The following SCN8A variants were observed in gnomAD, a reference collection of about 807,000 sequenced individuals.
SCN8A encodes sodium channel protein type 8 subunit alpha.
Under a neutral mutation model 184.1 loss-of-function variants are expected in SCN8A, and 30 were observed. The observed-to-expected ratio is 0.16, with a 90% CI of 0.12 to 0.22. The LOEUF (loss-of-function observed/expected upper bound fraction) is 0.22, where lower values mean the gene tolerates loss of function less well. Ranked by LOEUF, SCN8A falls within the 10% of genes least tolerant of loss-of-function variation. SCN8A has a pLI of 1.00. For missense variants in SCN8A, 1,057 were observed against 2,498.9 expected (o/e 0.42, Z 12.30); for synonymous variants, 852 against 907.0 (o/e 0.94, Z 1.09).
chr12:51,690,289 A>G (rs867147362), intron 6 of SCN8A, among the ~76,000 whole-genome samples: 3 of 152,312 alleles, frequency 2.0e-5, no homozygotes, highest in South Asian at 4.1e-4. Flanking sequence ...GAGGCATCCT[A>G]TTCTTATCCT....
intron 12 of SCN8A, chr12:51,722,263 C>G (rs1942081091): frequency 2.9e-6 from 1 of 343,410 alleles, no homozygotes; most frequent in Non-Finnish European, 5.4e-6. Context: ...CTTTGCTAGT[C>G]TGTGTGCTTG....
intron 9 of SCN8A, among the ~76,000 whole-genome samples, chr12:51,704,151 CT>C (rs1565893016): frequency 6.6e-6 from 1 of 151,878 alleles, no homozygotes; most frequent in Non-Finnish European, 1.5e-5. Flanking sequence ...CTGTCTTGGC[CT>C]CCCAAAGTGC....
chr12:51,803,182 C>G (rs1938603263), intron 26 of SCN8A, among the ~76,000 whole-genome samples: 1 of 152,084 alleles, frequency 6.6e-6, no homozygotes, highest in Non-Finnish European at 1.5e-5. Flanking sequence ...GGCCAAAGGC[C>G]CGAGAGCCCC....
chr12:51,807,177 A>G lies in SCN8A; in HGVS notation c.5691A>G (p.Val1897=). The change falls in exon 27 of 27, where the codon GTA becomes GTG. Residue 1897 remains valine (V), a synonymous_variant. Transcript: ENST00000627620. This position sits in a 1 kb window ranked among gnomAD's most constrained non-coding sequence, Gnocchi z 4.5. ...CACTGCGTCGCAAGCAGGAGGAGGT[A>G]TCTGCAGTGGTCCTGCAGCGTGCCT... ...TTTLRRKQEE[V]SAVVLQRAYR... 2 of 1,614,008 alleles carry G rather than the reference A, an allele frequency of 1.2e-6. No individual in the cohort carries two copies. The highest frequency in any genetic ancestry group is 1.7e-6 in the Non-Finnish European group (2 of 1,179,888).
Position 51,806,161 on chromosome 12 carries a change from G to T in SCN8A, c.4796-121G>T. ...ACTTTTTGAGAGTTCAGACTGAATA[G>T]TAAGGCACTTATTCTGCAAAGCCCT... On this transcript the variant is annotated intron_variant, in intron 26 of 26. Coordinates refer to ENST00000627620, the MANE Select transcript of SCN8A (RefSeq NM_001330260.2). This position sits in a 1 kb window ranked among gnomAD's most constrained non-coding sequence, Gnocchi z 8.7. 2 of 928,534 alleles carry T rather than the reference G, an allele frequency of 2.2e-6. No homozygotes were observed. Among genetic ancestry groups the T allele is most frequent in the Non-Finnish European group, 3.2e-6 (2 of 632,484 alleles). 57.5% of individuals were successfully genotyped at this position (928,534 alleles called of 1,614,324 possible).
chr12:51,675,845 A>G (rs1941213473), intron 2 of SCN8A, among the ~76,000 whole-genome samples: 1 of 152,194 alleles, frequency 6.6e-6, no homozygotes, highest in African/African-American at 2.4e-5. Flanking sequence ...CTCCTGCCTC[A>G]ATTTTATCAT....
chr12:51,629,337 C>T (rs1940146553), intron 1 of SCN8A, among the ~76,000 whole-genome samples: 1 of 152,046 alleles, frequency 6.6e-6, no homozygotes, highest in African/African-American at 2.4e-5. Flanking sequence ...GTAATTCTTC[C>T]TTGTGGGGCT....
Position 51,751,377 on chromosome 12 carries a change from G to A in SCN8A, c.2154G>A (p.Lys718=), listed in dbSNP as rs778988746. The A allele has an allele frequency of 1.2e-6, 2 of 1,613,646 alleles. No individual in the cohort carries two copies. The highest frequency in any genetic ancestry group is 2.2e-5 in the East Asian group (1 of 44,882). ...TAGAACTGGAAGAGTCTCAGAGAAA[G>A]TGCCCGCCATGCTGGTATAAATTTG... ...LVEELEESQR[K]CPPCWYKFAN... Residue 718 remains lysine (K), a synonymous_variant, in exon 14 of 27, where the codon AAG becomes AAA. Transcript: ENST00000627620.
chr12:51,805,408 AC>A (rs1157644502), intron 26 of SCN8A, among the ~76,000 whole-genome samples: 8 of 151,986 alleles, frequency 5.3e-5, no homozygotes, highest in Admixed American at 4.6e-4. Flanking sequence ...ACATAGCAAG[AC>A]CCCCATCTCT....
At chr12:51,733,633 A>T (rs564523776) in intron 12 of SCN8A, among the ~76,000 whole-genome samples, 1 of 152,250 alleles carries the variant, frequency 6.6e-6, no homozygotes, top group South Asian at 2.1e-4. Context: ...GAATAATTTA[A>T]ATAGGATTGA....
chr12:51,653,818 C>T (rs1368310926), intron 1 of SCN8A, among the ~76,000 whole-genome samples: 1 of 152,174 alleles, frequency 6.6e-6, no homozygotes, highest in East Asian at 1.9e-4. Flanking sequence ...TCAACATCCT[C>T]ACCCATACTT....
chr12:51,785,967 TA>T (rs1938072868), intron 21 of SCN8A, among the ~76,000 whole-genome samples: 1 of 152,184 alleles, frequency 6.6e-6, no homozygotes, highest in Admixed American at 6.5e-5. Context: ...TACTGTTTGG[TA>T]GAGGGAATAT....
At chr12:51,726,753 C>T (rs373172097) in intron 12 of SCN8A, among the ~76,000 whole-genome samples, 4 of 152,194 alleles carry the variant, frequency 2.6e-5, no homozygotes, top group African/African-American at 9.6e-5. Context: ...AATTTTCATT[C>T]CTTTTCTTAC....
chr12:51,662,910 G>A lies in SCN8A; in HGVS notation c.93G>A (p.Glu31=). 6.2e-7 allele frequency: 1 copy of A among 1,614,036 alleles called. No homozygotes were observed. Among genetic ancestry groups the A allele is most frequent in the Admixed American group, 1.7e-5 (1 of 60,022 alleles). The change falls in exon 2 of 27, where the codon GAG becomes GAA. Residue 31 remains glutamate (E), a synonymous_variant. Coordinates refer to ENST00000627620, the MANE Select transcript of SCN8A (RefSeq NM_001330260.2). ...SLANIERRIA[E]SKLKKPPKAD... ...CAAACATTGAGAGGCGCATTGCTGA[G>A]AGCAAGCTCAAGAAACCACCAAAGG...
rs552570108 is a variant in SCN8A at position 51,754,489 on chromosome 12, T to G, written c.2370+2896T>G. On this transcript the variant is annotated intron_variant, in intron 14 of 26. Coordinates refer to ENST00000627620, the MANE Select transcript of SCN8A (RefSeq NM_001330260.2). ...TACATTACAATGTTGTGAAGTAAAG[T>G]ATGACCTTGTCCTGTGGTTGGAATG... Among the ~76,000 whole-genome samples, 6 of 152,214 alleles carry G rather than the reference T, an allele frequency of 3.9e-5. No individual in the cohort carries two copies. In the East Asian group the frequency reaches 1.2e-3, roughly 29 times the overall value.
intron 1 of SCN8A, among the ~76,000 whole-genome samples, chr12:51,611,662 T>A (rs1402098774): frequency 1.3e-5 from 2 of 151,988 alleles, no homozygotes; most frequent in Non-Finnish European, 1.5e-5. Flanking sequence ...CCTGGCTAAT[T>A]TTTGTATTTT....
At chr12:51,801,563 G>A (rs1181954595) in intron 26 of SCN8A, among the ~76,000 whole-genome samples, 6 of 152,216 alleles carry the variant, frequency 3.9e-5, no homozygotes, top group East Asian at 3.9e-4. Flanking sequence ...TTTGATCCAC[G>A]TTTCAGCTAA....
intron 21 of SCN8A, among the ~76,000 whole-genome samples, chr12:51,785,630 A>G (rs1235361666): frequency 6.6e-6 from 1 of 152,214 alleles, no homozygotes; most frequent in Non-Finnish European, 1.5e-5. Flanking sequence ...AAAACAACCC[A>G]GAAACTTTGA....
intron 2 of SCN8A, among the ~76,000 whole-genome samples, chr12:51,663,751 T>A (rs1940970912): frequency 6.6e-6 from 1 of 152,140 alleles, no homozygotes; most frequent in African/African-American, 2.4e-5. Flanking sequence ...TGAACAAATA[T>A]TTGACTAAAT....
Sources: allele counts gnomAD v4.1 joint callset (sites outside exome capture counted in the v4.1 genomes callset), GRCh38; gene constraint gnomAD v4.1.1; non-coding constraint Gnocchi (gnomAD v3.1); transcripts MANE v1.5; gene names NCBI Gene and HGNC (gene_info 2026-07-23, HGNC 2026-07-21).